The following UNC13B variants were observed in gnomAD, a reference collection of about 807,000 sequenced individuals.
UNC13B encodes protein unc-13 homolog B.
In UNC13B, 144 loss-of-function variants were observed where a neutral mutation model predicts 211.0. That is an observed-to-expected ratio of 0.68 (90% CI 0.60 to 0.78). The LOEUF (loss-of-function observed/expected upper bound fraction) is 0.78, where lower values mean the gene tolerates loss of function less well. Ranked by LOEUF, UNC13B falls within the 30% of genes least tolerant of loss-of-function variation. The pLI is 0.00. For missense variants in UNC13B, 1,777 were observed against 2,002.0 expected (o/e 0.89, Z 2.14); for synonymous variants, 709 against 725.8 (o/e 0.98, Z 0.37).
chr9:35,222,116 A>G (rs973650238), intron 1 of UNC13B, among the ~76,000 whole-genome samples: 1 of 152,116 alleles, frequency 6.6e-6, no homozygotes, highest in African/African-American at 2.4e-5. Context: ...TTTTTCCCCC[A>G]AAATGTTTTT....
At chr9:35,366,868 C>G in intron 11 of UNC13B, 79 bp from the exon 12 acceptor site, 1 of 1,250,928 alleles carries the variant, frequency 8.0e-7, no homozygotes, top group Non-Finnish European at 1.2e-6. Context: ...TGGGCTTGTA[C>G]TCTACTGCTC....
rs780930296 is a variant in UNC13B at position 35,217,586 on chromosome 9, T to TA, written c.23-10429_23-10428insA. ...TTGTATTTTTAGTAGAGACGGGGTT[T>TA]CACTGTGTTAGCCAGGATGGTCTCG... On this transcript the variant is annotated intron_variant, in intron 1 of 39. Coordinates refer to ENST00000635942, the MANE Select transcript of UNC13B (RefSeq NM_001371189.2). Among the ~76,000 whole-genome samples, 23 of 152,216 alleles carry TA rather than the reference T, an allele frequency of 1.5e-4. No homozygotes were observed. The East Asian group carries it at 3.7e-3, about 24-fold the overall frequency.
chr9:35,392,756 A>G (rs1420213728), intron 26 of UNC13B, among the ~76,000 whole-genome samples: 1 of 152,074 alleles, frequency 6.6e-6, no homozygotes, highest in African/African-American at 2.4e-5. Context: ...ACTAACCTGC[A>G]CATTGTGCAC....
chr9:35,244,540 G>T (rs1013828424), intron 6 of UNC13B, among the ~76,000 whole-genome samples: 4 of 152,158 alleles, frequency 2.6e-5, no homozygotes, highest in Non-Finnish European at 4.4e-5. Context: ...GAAGGAGGAA[G>T]CATCCTGTAC....
intron 11 of UNC13B, among the ~76,000 whole-genome samples, chr9:35,317,831 C>A (rs1256479271): frequency 6.6e-6 from 1 of 151,926 alleles, no homozygotes. Context: ...GCCACCACGC[C>A]TGGCCTAAAC....
intron 32 of UNC13B, 40 bp downstream of exon 32, chr9:35,398,682 TG>T: frequency 6.2e-7 from 1 of 1,608,672 alleles, no homozygotes; most frequent in Non-Finnish European, 8.5e-7. Context: ...GAGCCAGATG[TG>T]GTCCCTAGCC....
intron 26 of UNC13B, among the ~76,000 whole-genome samples, chr9:35,393,003 A>C (rs1835636402): frequency 6.6e-6 from 1 of 152,150 alleles, no homozygotes; most frequent in African/African-American, 2.4e-5. Flanking sequence ...TATGAAACAA[A>C]AGTTCCTTCT....
chr9:35,213,017 C>T (rs894036972), intron 1 of UNC13B, among the ~76,000 whole-genome samples: 1 of 152,202 alleles, frequency 6.6e-6, no homozygotes, highest in Non-Finnish European at 1.5e-5. Context: ...ATAGTACCCA[C>T]CTTTTCTGGT....
intron 26 of UNC13B, among the ~76,000 whole-genome samples, chr9:35,393,855 G>A (rs1835702646): frequency 6.6e-6 from 1 of 152,092 alleles, no homozygotes; most frequent in Non-Finnish European, 1.5e-5. Flanking sequence ...ACAGGTGTGA[G>A]CCAATGCATC....
Position 35,377,449 on chromosome 9 carries a change from T to TCTGGTAG in UNC13B, c.9836-19_9836-18insCTGGTAG, listed in dbSNP as rs1244596889. The TCTGGTAG allele has an allele frequency of 3.7e-6, 6 of 1,613,464 alleles. No homozygotes were observed. The highest frequency in any genetic ancestry group is 5.1e-6 in the Non-Finnish European group (6 of 1,179,438). ...CCTTGGTCTGGTAGGTGACCTGTTG[T>TCTGGTAG]GTTCCTGGCCACCTTCAGGGGCTGC... On this transcript the variant is annotated intron_variant, in intron 15 of 39. Transcript: ENST00000635942.
chr9:35,213,537 T>A (rs1824087351), intron 1 of UNC13B, among the ~76,000 whole-genome samples: 1 of 152,174 alleles, frequency 6.6e-6, no homozygotes, highest in African/African-American at 2.4e-5. Flanking sequence ...AGCAAAGGCA[T>A]TCTTACCATA....
At chr9:35,392,099 T>C (rs1835572296) in intron 26 of UNC13B, among the ~76,000 whole-genome samples, 1 of 152,214 alleles carries the variant, frequency 6.6e-6, no homozygotes, top group African/African-American at 2.4e-5. Flanking sequence ...GAGCTCCCAT[T>C]TTCTCATCTG....
rs906277488 is a variant in UNC13B, at chr9:35,351,686, C to T, written c.9415-15261C>T. 3.2e-6 allele frequency: 4 copies of T among 1,232,154 alleles called. No homozygotes were observed. The African/African-American group carries it at 6.2e-5, about 19-fold the overall frequency. The allele number at this position is 1,232,154 out of a possible 1,614,324, so 76.3% of individuals were successfully genotyped here. Reference sequence around the variant, plus strand: ...CTTACCAGAGGACAACTCCCTGCCCCCTTGCTGTGGGTCAGCAGCCTTAGC... The same window carrying T: ...CTTACCAGAGGACAACTCCCTGCCCTCTTGCTGTGGGTCAGCAGCCTTAGC... On this transcript the variant is annotated intron_variant, in intron 11 of 39. Coordinates refer to ENST00000635942, the MANE Select transcript of UNC13B (RefSeq NM_001371189.2).
intron 1 of UNC13B, among the ~76,000 whole-genome samples, chr9:35,177,991 G>A (rs1256176444): frequency 6.6e-6 from 1 of 152,162 alleles, no homozygotes; most frequent in Non-Finnish European, 1.5e-5. Context: ...TTTGGGTGTT[G>A]GATATGTTGA....
At chr9:35,299,266 AT>A (rs111366028) in intron 8 of UNC13B, among the ~76,000 whole-genome samples, 53,904 of 152,038 alleles carry the variant, frequency 0.35, 9,979 homozygotes, top group African/African-American at 0.46. Context: ...ATAATTTGTT[AT>A]TTTTTTGTAG....
At chr9:35,274,587 G>A (rs1024511535) in intron 7 of UNC13B, among the ~76,000 whole-genome samples, 11 of 152,242 alleles carry the variant, frequency 7.2e-5, no homozygotes, top group African/African-American at 2.6e-4. Flanking sequence ...ACTTCTGACA[G>A]CCTTCATAAA....
chr9:35,379,728 G>T (rs1037182975), intron 17 of UNC13B, among the ~76,000 whole-genome samples: 1 of 152,100 alleles, frequency 6.6e-6, no homozygotes, highest in Non-Finnish European at 1.5e-5. Context: ...GCTCCTTGTT[G>T]ATTTGTCTAT....
chr9:35,399,760 A>T (rs763672809), intron 36 of UNC13B, 31 bp downstream of exon 36: 2 of 1,609,878 alleles, frequency 1.2e-6, no homozygotes, highest in Non-Finnish European at 1.7e-6. Context: ...AGACAGTCTT[A>T]ACCACCACAC....
chr9:35,313,317 A>T (rs1830274920), intron 10 of UNC13B, among the ~76,000 whole-genome samples: 1 of 152,154 alleles, frequency 6.6e-6, no homozygotes, highest in Admixed American at 6.5e-5. Flanking sequence ...CATTGGGTAA[A>T]TGAAAAAGAA....
Sources: gnomAD v4.1 joint callset for allele counts (sites outside exome capture counted in the v4.1 genomes callset) on GRCh38, gnomAD v4.1.1 for gene constraint, MANE v1.5 for transcripts, NCBI Gene and HGNC (gene_info 2026-07-23, HGNC 2026-07-21) for gene names.